Variants in UBE2D1 observed in about 807,000 individuals in gnomAD.
UBE2D1 encodes ubiquitin-conjugating enzyme E2 D1.
UBE2D1 carries 9 observed loss-of-function variants against 24.6 expected under a neutral mutation model. The observed-to-expected ratio is 0.37, with a 90% CI of 0.22 to 0.64. UBE2D1 has a LOEUF of 0.64. Ranked by LOEUF, UBE2D1 falls within the 30% of genes least tolerant of loss-of-function variation. The pLI, the probability that UBE2D1 is intolerant of heterozygous loss-of-function variation, is 0.64. For synonymous variants in UBE2D1, 57 were observed against 57.6 expected, an observed-to-expected ratio of 0.99 and a Z score of 0.04; for missense variants, 87 against 177.1, an observed-to-expected ratio of 0.49 and a Z score of 2.89.
At chr10:58,348,202 T>C (rs1432324374) in intron 1 of UBE2D1, among the ~76,000 whole-genome samples, 2 of 152,244 alleles carry the variant, frequency 1.3e-5, no homozygotes, top group Admixed American at 1.3e-4. Flanking sequence ...AGGAAGAATC[T>C]ACATGGTTTA....
chr10:58,368,069 C>A (rs2132335459), intron 6 of UBE2D1, 53 bp downstream of exon 6: 2 of 1,198,950 alleles, frequency 1.7e-6, no homozygotes, highest in Non-Finnish European at 1.2e-6. Flanking sequence ...ATATAGTATG[C>A]CAAAACACGA....
At chr10:58,360,117 TTGTC>T (rs1840178075) in intron 1 of UBE2D1, among the ~76,000 whole-genome samples, 1 of 152,136 alleles carries the variant, frequency 6.6e-6, no homozygotes, top group South Asian at 2.1e-4. Flanking sequence ...GTCTGTATGG[TTGTC>T]TGTTTCCTGC....
At chr10:58,348,929 A>G (rs563339432) in intron 1 of UBE2D1, among the ~76,000 whole-genome samples, 1 of 152,140 alleles carries the variant, frequency 6.6e-6, no homozygotes, top group Non-Finnish European at 1.5e-5. Flanking sequence ...AGTCCCCTAG[A>G]GGCAGGGATT....
chr10:58,367,129 G>T (rs903512991), intron 5 of UBE2D1, among the ~76,000 whole-genome samples: 2 of 152,042 alleles, frequency 1.3e-5, no homozygotes, highest in Non-Finnish European at 2.9e-5. Context: ...TCCACCTTTG[G>T]ACTTGAAAGA....
rs1459695202 is a variant in UBE2D1, at chr10:58,370,632, G to C, written c.*1867G>C. 6.6e-6 allele frequency: 1 copy of C among 150,634 alleles called. No homozygotes were observed. Among genetic ancestry groups the C allele is most frequent in the Non-Finnish European group, 1.5e-5 (1 of 67,636 alleles). 9.3% of individuals were successfully genotyped at this position (150,634 alleles called of 1,614,324 possible). On this transcript the variant is annotated 3_prime_UTR_variant, in exon 7 of 7. Transcript: ENST00000373910. ...TATTTAGTATATTTTGATAGTAAAG[G>C]GTTTTGTTTCTTGAATATCTTCACT...
At chr10:58,346,653 G>C (rs964783243) in intron 1 of UBE2D1, among the ~76,000 whole-genome samples, 4 of 152,164 alleles carry the variant, frequency 2.6e-5, no homozygotes, top group African/African-American at 9.7e-5. Flanking sequence ...GGGGAAAAGT[G>C]TTGCAGATAT....
intron 1 of UBE2D1, among the ~76,000 whole-genome samples, chr10:58,352,858 T>C (rs1840092212): frequency 6.6e-6 from 1 of 152,202 alleles, no homozygotes; most frequent in African/African-American, 2.4e-5. Flanking sequence ...CAGTTATTTT[T>C]ACTAGTTCCT....
At chr10:58,346,478 T>C (rs1437999785) in intron 1 of UBE2D1, among the ~76,000 whole-genome samples, 1 of 152,164 alleles carries the variant, frequency 6.6e-6, no homozygotes, top group African/African-American at 2.4e-5. Context: ...AAGGCAATGA[T>C]GTTTAAGATG....
At chr10:58,341,988 C>A (rs2132314958) in intron 1 of UBE2D1, among the ~76,000 whole-genome samples, 1 of 152,294 alleles carries the variant, frequency 6.6e-6, no homozygotes, top group South Asian at 2.1e-4. Flanking sequence ...CTCAGGCCAC[C>A]TTAGCACATG....
Position 58,368,777 on chromosome 10 carries a change from AT to A in UBE2D1, c.*16del. 1 of 1,569,548 alleles carries A rather than the reference AT, an allele frequency of 6.4e-7. No homozygotes were observed. Among genetic ancestry groups the A allele is most frequent in the Non-Finnish European group, 8.7e-7 (1 of 1,152,272 alleles). ...AATATGCAATGTAAAAATCAAAAAC[AT>A]TTTCATATATACCAGAGTACTGTAA... On this transcript the variant is annotated 3_prime_UTR_variant, in exon 7 of 7. Transcript: ENST00000373910.
chr10:58,346,229 C>A (rs1840014599), intron 1 of UBE2D1, among the ~76,000 whole-genome samples: 1 of 152,052 alleles, frequency 6.6e-6, no homozygotes, highest in South Asian at 2.1e-4. Context: ...TCAGGCTGGT[C>A]TCGAACCCCT....
At chr10:58,362,524 C>T in intron 3 of UBE2D1, among the ~76,000 whole-genome samples, 1 of 152,224 alleles carries the variant, frequency 6.6e-6, no homozygotes, top group Non-Finnish European at 1.5e-5. Context: ...AAAATACTCT[C>T]ATTTAAAGGC....
intron 1 of UBE2D1, among the ~76,000 whole-genome samples, chr10:58,360,729 G>A (rs1191520378): frequency 6.6e-6 from 1 of 152,132 alleles, no homozygotes; most frequent in Non-Finnish European, 1.5e-5. Flanking sequence ...AGAACAACCT[G>A]TTCAACATGG....
Position 58,364,808 on chromosome 10 carries a change from A to G in UBE2D1, c.236A>G (p.Asn79Ser). Residue 79 changes from asparagine to serine, a missense_variant, in exon 5 of 7, where the codon AAC (asparagine) becomes AGC (serine). Asn to Ser is a conservative substitution (Grantham distance 46). Transcript: ENST00000373910. ...ACAAAAATTTACCATCCAAACATAA[A>G]CAGTAATGGAAGTATTTGTCTCGAT... The part of the protein sequence containing the change: ...FTTKIYHPNI[N>S]SNGSICLDIL... 6.2e-7 allele frequency: 1 copy of G among 1,613,654 alleles called. No homozygotes were observed. Among genetic ancestry groups the G allele is most frequent in the South Asian group, 1.1e-5 (1 of 91,058 alleles).
At chr10:58,367,204 G>GTT (rs1840265214) in intron 5 of UBE2D1, among the ~76,000 whole-genome samples, 1 of 152,024 alleles carries the variant, frequency 6.6e-6, no homozygotes, top group Non-Finnish European at 1.5e-5. Context: ...TGGTCCAGAG[G>GTT]TTCCATGAAC....
intron 6 of UBE2D1, 197 bp downstream of exon 6, chr10:58,368,213 A>G (rs879078721): frequency 2.1e-6 from 1 of 482,896 alleles, no homozygotes; most frequent in South Asian, 3.3e-5. Flanking sequence ...CTTCCCACTT[A>G]CTGTTCAATA....
chr10:58,357,512 C>A (rs1470980600), intron 1 of UBE2D1, among the ~76,000 whole-genome samples: 2 of 152,066 alleles, frequency 1.3e-5, no homozygotes, highest in African/African-American at 4.8e-5. Flanking sequence ...GTTGTAGTTT[C>A]TATTTGTTTT....
chr10:58,340,067 A>G (rs1259397301), intron 1 of UBE2D1, among the ~76,000 whole-genome samples: 2 of 152,236 alleles, frequency 1.3e-5, no homozygotes, highest in Admixed American at 6.5e-5. Context: ...TATGAAATCT[A>G]AATATAGATC....
intron 1 of UBE2D1, among the ~76,000 whole-genome samples, chr10:58,360,097 C>T (rs1242736261): frequency 1.3e-5 from 2 of 152,156 alleles, no homozygotes; most frequent in Non-Finnish European, 2.9e-5. Context: ...AACACCACAT[C>T]ATTAATGTGG....
Sources: allele counts gnomAD v4.1 joint callset (sites outside exome capture counted in the v4.1 genomes callset), GRCh38; gene constraint gnomAD v4.1.1; transcripts MANE v1.5; gene names NCBI Gene and HGNC (gene_info 2026-07-23, HGNC 2026-07-21).